The following FBXL17 variants were observed in gnomAD, a reference collection of about 807,000 sequenced individuals.
FBXL17 encodes the protein F-box and leucine rich repeat protein 17, also known as F-box/LRR-repeat protein 17.
Under a neutral mutation model 66.2 loss-of-function variants are expected in FBXL17, and 22 were observed. The ratio of observed to expected loss-of-function variants is 0.33; its 90% CI spans 0.24 to 0.47. FBXL17 has a LOEUF of 0.47. Among genes scored for constraint, FBXL17 ranks in the 20% least tolerant of loss-of-function variants. The pLI, the probability that FBXL17 is intolerant of heterozygous loss-of-function variation, is 1.00. For missense variants in FBXL17, 878 were observed against 948.2 expected (o/e 0.93, Z 0.97); for synonymous variants, 474 against 400.5 (o/e 1.18, Z -2.19).
chr5:108,262,471 A>C (rs1756878811), intron 4 of FBXL17, among the ~76,000 whole-genome samples: 1 of 152,206 alleles, frequency 6.6e-6, no homozygotes, highest in African/African-American at 2.4e-5. Context: ...ATATGCCAAA[A>C]ATTATGAAAT....
rs1020602022 is a variant in FBXL17 at position 107,995,950 on chromosome 5, G to A, written c.1822+24975C>T. Among the ~76,000 whole-genome samples the A allele has an allele frequency of 2.6e-5, 4 of 152,276 alleles. No homozygotes were observed. The East Asian group carries it at 7.7e-4, about 29-fold the overall frequency. ...GTTGATGAAACACAGTGCAGTAGCT[G>A]AGTCTATAAAAGACAATACACCTCA... On this transcript the variant is annotated intron_variant, in intron 7 of 8. Transcript: ENST00000542267.
intron 4 of FBXL17, among the ~76,000 whole-genome samples, chr5:108,333,490 C>CA (rs1760232237): frequency 6.6e-6 from 1 of 151,974 alleles, no homozygotes; most frequent in Non-Finnish European, 1.5e-5. Context: ...GTTTTGAGGA[C>CA]AAAATGACTG....
rs571364387 is a variant in FBXL17, at chr5:108,104,503, C to T, written c.1745+81614G>A. 5.3e-5 allele frequency among the ~76,000 whole-genome samples: 8 copies of T among 152,318 alleles called. No homozygotes were observed. The South Asian group carries it at 1.0e-3, about 20-fold the overall frequency. On this transcript the variant is annotated intron_variant, in intron 6 of 8. Coordinates refer to ENST00000542267, the MANE Select transcript of FBXL17 (RefSeq NM_001163315.3). The stretch of plus-strand genomic sequence containing the variant: ...AAAATGTCCAATTTAACCAACAACA[C>T]TTATTGAGTACCTCCTACAGAGCAG...
intron 6 of FBXL17, among the ~76,000 whole-genome samples, chr5:108,123,878 C>T (rs943008826): frequency 3.9e-5 from 6 of 152,112 alleles, no homozygotes; most frequent in Non-Finnish European, 7.4e-5. Context: ...ACACCACTAA[C>T]AAAATGAAGA....
chr5:107,953,783 G>C (rs1461700009), intron 7 of FBXL17, among the ~76,000 whole-genome samples: 2 of 152,104 alleles, frequency 1.3e-5, no homozygotes, highest in Non-Finnish European at 2.9e-5. Context: ...CTTTGGTATA[G>C]CGAGTACATT....
At chr5:108,312,587 GA>G (rs775889027) in intron 4 of FBXL17, among the ~76,000 whole-genome samples, 29 of 142,736 alleles carry the variant, frequency 2.0e-4, no homozygotes, top group Non-Finnish European at 2.2e-4. Context: ...AAAACCAAAG[GA>G]AAAAAAAAAC....
chr5:108,083,275 T>C (rs1424459734), intron 6 of FBXL17, among the ~76,000 whole-genome samples: 2 of 142,956 alleles, frequency 1.4e-5, no homozygotes, highest in Non-Finnish European at 3.1e-5. Flanking sequence ...ACAGATATAT[T>C]AAGACAGCAG....
intron 6 of FBXL17, among the ~76,000 whole-genome samples, chr5:108,139,302 GC>G (rs1211946371): frequency 6.6e-6 from 1 of 152,154 alleles, no homozygotes; most frequent in Non-Finnish European, 1.5e-5. Context: ...TACAGCATTC[GC>G]TAATTTTAGA....
intron 6 of FBXL17, among the ~76,000 whole-genome samples, chr5:108,085,552 C>G (rs1351325485): frequency 6.6e-6 from 1 of 152,236 alleles, no homozygotes; most frequent in African/African-American, 2.4e-5. Context: ...GAGCTTATCT[C>G]CGGACTGTGC....
intron 1 of FBXL17, among the ~76,000 whole-genome samples, chr5:108,377,823 G>A (rs908563712): frequency 5.3e-5 from 8 of 152,158 alleles, no homozygotes; most frequent in African/African-American, 1.7e-4. Flanking sequence ...CATTTTTTAA[G>A]GTTAAAGGAC....
intron 6 of FBXL17, among the ~76,000 whole-genome samples, chr5:108,163,124 C>A (rs1423829061): frequency 6.6e-6 from 1 of 152,142 alleles, no homozygotes; most frequent in African/African-American, 2.4e-5. Flanking sequence ...TCAAATGTGA[C>A]AAGCATTTTC....
At chr5:108,125,437 T>C (rs1213577671) in intron 6 of FBXL17, among the ~76,000 whole-genome samples, 1 of 151,980 alleles carries the variant, frequency 6.6e-6, no homozygotes, top group African/African-American at 2.4e-5. Flanking sequence ...GAAGAATCAA[T>C]AAAAGTAGGT....
At chr5:108,324,514 G>A (rs1286347297) in intron 4 of FBXL17, among the ~76,000 whole-genome samples, 9 of 152,012 alleles carry the variant, frequency 5.9e-5, no homozygotes, top group African/African-American at 1.7e-4. Context: ...CGACCACTAT[G>A]TAAAACAGTA....
At chr5:108,214,323 A>AT (rs1754504979) in intron 5 of FBXL17, among the ~76,000 whole-genome samples, 1 of 150,506 alleles carries the variant, frequency 6.6e-6, no homozygotes, top group Non-Finnish European at 1.5e-5. Context: ...GAATATTTTA[A>AT]TTTTCATAAA....
intron 5 of FBXL17, among the ~76,000 whole-genome samples, chr5:108,217,624 A>G (rs972581164): frequency 2.0e-5 from 3 of 152,110 alleles, no homozygotes; most frequent in Non-Finnish European, 2.9e-5. Flanking sequence ...TATACAATAT[A>G]GTTACTTACT....
chr5:108,334,579 A>G (rs1338837424), intron 4 of FBXL17, among the ~76,000 whole-genome samples: 1 of 152,226 alleles, frequency 6.6e-6, no homozygotes, highest in African/African-American at 2.4e-5. Flanking sequence ...GGTACCAATG[A>G]CAGCAGAAAG....
chr5:108,186,289 T>TA (rs1753227824), intron 5 of FBXL17, 42 bp from the exon 6 acceptor site: 1 of 1,563,546 alleles, frequency 6.4e-7, no homozygotes, highest in Admixed American at 1.7e-5. Flanking sequence ...AGGTAAATGC[T>TA]ACATTCACTC....
At chr5:108,053,618 G>T (rs1747569711) in intron 6 of FBXL17, among the ~76,000 whole-genome samples, 1 of 152,142 alleles carries the variant, frequency 6.6e-6, no homozygotes, top group African/African-American at 2.4e-5. Flanking sequence ...ATAATAGATG[G>T]TGGTGAAGCT....
intron 6 of FBXL17, among the ~76,000 whole-genome samples, chr5:108,177,652 C>CA (rs1752840702): frequency 6.6e-6 from 1 of 151,946 alleles, no homozygotes; most frequent in African/African-American, 2.4e-5. Flanking sequence ...ACATGGAAGA[C>CA]AGTGAGCCCT....
Sources: allele counts gnomAD v4.1 joint callset (sites outside exome capture counted in the v4.1 genomes callset), GRCh38; gene constraint gnomAD v4.1.1; transcripts MANE v1.5; gene names NCBI Gene and HGNC (gene_info 2026-07-23, HGNC 2026-07-21).